The following STXBP5L variants were observed in gnomAD, a reference collection of about 807,000 sequenced individuals.
STXBP5L encodes syntaxin-binding protein 5-like.
In STXBP5L, 65 loss-of-function variants were observed where a neutral mutation model predicts 144.5. The observed-to-expected ratio is 0.45, with a 90% CI of 0.37 to 0.55. The LOEUF (loss-of-function observed/expected upper bound fraction) is 0.55. STXBP5L is among the 20% of genes least tolerant of loss of function. The pLI is 0.00. For missense variants in STXBP5L, 1,298 were observed against 1,405.5 expected, an observed-to-expected ratio of 0.92 and a Z score of 1.22; for synonymous variants, 505 against 469.6, an observed-to-expected ratio of 1.08 and a Z score of -0.97.
At chr3:121,392,800 T>TAC (rs2046626881) in intron 22 of STXBP5L, among the ~76,000 whole-genome samples, 1 of 123,006 alleles carries the variant, frequency 8.1e-6, no homozygotes, top group Non-Finnish European at 1.8e-5. Flanking sequence ...TATATATATA[T>TAC]ATATATATCA....
intron 7 of STXBP5L, among the ~76,000 whole-genome samples, chr3:121,149,384 A>G (rs2107973603): frequency 6.6e-6 from 1 of 151,966 alleles, no homozygotes; most frequent in East Asian, 1.9e-4. Context: ...ATCTTATTTA[A>G]TGGGGAAACA....
intron 10 of STXBP5L, among the ~76,000 whole-genome samples, chr3:121,208,476 G>A (rs913858857): frequency 1.3e-4 from 20 of 151,924 alleles, no homozygotes; most frequent in Non-Finnish European, 2.5e-4. Context: ...AGAACTTAAA[G>A]TGTAATAGTA....
chr3:121,009,873 C>A (rs1372829527), intron 3 of STXBP5L, among the ~76,000 whole-genome samples: 2 of 151,900 alleles, frequency 1.3e-5, no homozygotes, highest in African/African-American at 4.8e-5. Flanking sequence ...GTTCCCTATG[C>A]AGACATCATG....
At chr3:121,127,613 C>G (rs563848933) in intron 7 of STXBP5L, among the ~76,000 whole-genome samples, 23 of 151,244 alleles carry the variant, frequency 1.5e-4, no homozygotes, top group Non-Finnish European at 3.0e-4. Context: ...GGATTTAGGG[C>G]CCACCCTAAA....
intron 14 of STXBP5L, among the ~76,000 whole-genome samples, chr3:121,244,758 C>G (rs2049786254): frequency 6.6e-6 from 1 of 151,970 alleles, no homozygotes. Context: ...GCATGGCAGA[C>G]TAGAAGGGAG....
In STXBP5L at chr3:121,367,637, T is replaced by C. The variant is rs193089488; in HGVS notation, c.2177-11079T>C. Among the ~76,000 whole-genome samples, 562 of 134,270 alleles carry C rather than the reference T, an allele frequency of 4.2e-3. 4 individuals are homozygous for C. The highest frequency in any genetic ancestry group is 0.015 in the African/African-American group (532 of 36,360). 88.1% of individuals were successfully genotyped at this position (134,270 alleles called of 152,430 possible). On this transcript the variant is annotated intron_variant, in intron 20 of 26. Transcript: ENST00000471454. Reference sequence around the variant, plus strand: ...TTTTTTTTTTTAAACAGGTTCTCACTTTGTCACCCAGAATAGAATGTAGTG... The same window carrying C: ...TTTTTTTTTTTAAACAGGTTCTCACCTTGTCACCCAGAATAGAATGTAGTG...
intron 20 of STXBP5L, among the ~76,000 whole-genome samples, chr3:121,366,800 A>G (rs1291315538): frequency 6.6e-6 from 1 of 150,624 alleles, no homozygotes; most frequent in Non-Finnish European, 1.5e-5. Context: ...TATAGGCCTT[A>G]TAGCTTTTTT....
At chr3:121,264,805 CAAA>C (rs60150188) in intron 18 of STXBP5L, among the ~76,000 whole-genome samples, 12 of 114,390 alleles carry the variant, frequency 1.0e-4, no homozygotes, top group Non-Finnish European at 1.5e-4. Context: ...ATGGAAAGCA[CAAA>C]AAAAAAAAAA....
intron 3 of STXBP5L, among the ~76,000 whole-genome samples, chr3:121,035,400 AG>A (rs1946681371): frequency 6.6e-6 from 1 of 152,176 alleles, no homozygotes. Context: ...AGTGAGAGAT[AG>A]GGGTCCAGTT....
intron 10 of STXBP5L, among the ~76,000 whole-genome samples, chr3:121,217,892 T>C (rs186839686): frequency 1.3e-5 from 2 of 151,118 alleles, no homozygotes; most frequent in African/African-American, 4.8e-5. Context: ...TGCTTGGAGG[T>C]CTTTACAATT....
chr3:121,084,857 C>G (rs2042414608), intron 5 of STXBP5L, among the ~76,000 whole-genome samples: 1 of 152,282 alleles, frequency 6.6e-6, no homozygotes, highest in East Asian at 1.9e-4. Flanking sequence ...CCTATTTCTC[C>G]ACAGTCTCGC....
chr3:121,214,663 A>G (rs1461451599), intron 10 of STXBP5L, among the ~76,000 whole-genome samples: 1 of 152,342 alleles, frequency 6.6e-6, no homozygotes, highest in East Asian at 1.9e-4. Flanking sequence ...TGTGGCACTG[A>G]GAAGAATGTA....
chr3:121,180,510 A>G (rs1248165419), intron 9 of STXBP5L, among the ~76,000 whole-genome samples: 2 of 152,232 alleles, frequency 1.3e-5, no homozygotes, highest in Non-Finnish European at 2.9e-5. Flanking sequence ...CATAGGGCCT[A>G]TAAAACAATA....
Position 121,339,928 on chromosome 3 carries a change from G to A in STXBP5L, c.2176+21388G>A, listed in dbSNP as rs368731472. Among the ~76,000 whole-genome samples, 14 of 151,924 alleles carry A rather than the reference G, an allele frequency of 9.2e-5. No homozygotes were observed. In the East Asian group the frequency reaches 2.5e-3, roughly 27 times the overall value. On this transcript the variant is annotated intron_variant, in intron 20 of 26. Coordinates refer to ENST00000471454, the MANE Select transcript of STXBP5L (RefSeq NM_001308330.2). ...AGATGATACAAACAAATGGAAATAC[G>A]TGTCATGCTCATGGATTGGAAGAAT...
chr3:121,194,438 G>A (rs943660340), intron 9 of STXBP5L, among the ~76,000 whole-genome samples: 12 of 151,844 alleles, frequency 7.9e-5, no homozygotes, highest in African/African-American at 2.7e-4. Flanking sequence ...TTGAGGCCTA[G>A]GCAGGAGGAT....
rs373711445 is a variant in STXBP5L at position 121,349,207 on chromosome 3, T to C, written c.2177-29509T>C. Among the ~76,000 whole-genome samples, 5 of 152,166 alleles carry C rather than the reference T, an allele frequency of 3.3e-5. No homozygotes were observed. The East Asian group carries it at 5.8e-4, about 18-fold the overall frequency. On this transcript the variant is annotated intron_variant, in intron 20 of 26. Coordinates refer to ENST00000471454, the MANE Select transcript of STXBP5L (RefSeq NM_001308330.2). ...AACATCTTTATTTCTGCCTTCATTT[T>C]GTTATGTACCCAGTAGTCATTCAGG... is the stretch of plus-strand genomic sequence containing the variant.
intron 3 of STXBP5L, among the ~76,000 whole-genome samples, chr3:121,010,828 C>A (rs541995701): frequency 1.3e-5 from 2 of 151,592 alleles, no homozygotes; most frequent in African/African-American, 4.8e-5. Context: ...TCATAAGGGT[C>A]TTCATCCTTG....
intron 3 of STXBP5L, among the ~76,000 whole-genome samples, chr3:121,030,082 T>C (rs1024914594): frequency 2.8e-4 from 42 of 151,986 alleles, no homozygotes; most frequent in African/African-American, 9.7e-4. Flanking sequence ...TGTTGGTGGG[T>C]GTGTAAATTA....
chr3:120,993,722 A>C (rs924890857), intron 3 of STXBP5L, among the ~76,000 whole-genome samples: 1 of 152,070 alleles, frequency 6.6e-6, no homozygotes, highest in African/African-American at 2.4e-5. Flanking sequence ...ATATTTTGAC[A>C]TCAGGTAGTG....
Sources: gnomAD v4.1 joint callset for allele counts (sites outside exome capture counted in the v4.1 genomes callset) on GRCh38, gnomAD v4.1.1 for gene constraint, MANE v1.5 for transcripts, NCBI Gene and HGNC (gene_info 2026-07-23, HGNC 2026-07-21) for gene names.